Variants in DISP3 observed in about 807,000 individuals in gnomAD.
DISP3 encodes the protein protein dispatched homolog 3.
In DISP3, 101 loss-of-function variants were observed where a neutral mutation model predicts 135.3. The observed-to-expected ratio is 0.75, with a 90% CI of 0.64 to 0.88. The LOEUF is 0.88. Among genes scored for constraint, DISP3 ranks in the 40% least tolerant of loss-of-function variants. The pLI, the probability that DISP3 is intolerant of heterozygous loss-of-function variation, is 0.00. For synonymous variants in DISP3, 856 were observed against 817.0 expected (o/e 1.05, Z -0.81); for missense variants, 1,713 against 1,878.6 (o/e 0.91, Z 1.63).
At chr1:11,480,139 A>G (rs1272206816) in intron 1 of DISP3, among the ~76,000 whole-genome samples, 2 of 152,140 alleles carry the variant, frequency 1.3e-5, no homozygotes, top group African/African-American at 4.8e-5. Context: ...CAGGGCTGGG[A>G]AGGCGCCTCC....
In DISP3 at chr1:11,520,684, C is replaced by G. The variant is rs1348824109; in HGVS notation, c.2201-3C>G. The G allele has an allele frequency of 6.2e-7, 1 of 1,612,886 alleles. No individual in the cohort carries two copies. The highest frequency in any genetic ancestry group is 1.7e-5 in the Admixed American group (1 of 59,982). ...CGCCTGGTGTAGCGCCCTTTCCTCA[C>G]AGGGCTGTTCGTCTCCATCCTCATC... On this transcript the variant is annotated splice_polypyrimidine_tract_variant and splice_region_variant and intron_variant, in intron 9 of 20. Transcript: ENST00000294484. This position sits in a 1 kb window ranked among gnomAD's most constrained non-coding sequence, Gnocchi z 4.8.
In DISP3 at chr1:11,516,202, G is replaced by C; in HGVS notation, c.1749+41G>C. The C allele has an allele frequency of 6.3e-7, 1 of 1,597,752 alleles. No individual in the cohort carries two copies. The highest frequency in any genetic ancestry group is 8.5e-7 in the Non-Finnish European group (1 of 1,169,942). On this transcript the variant is annotated intron_variant, in intron 6 of 20. Coordinates refer to ENST00000294484, the MANE Select transcript of DISP3 (RefSeq NM_020780.2). The surrounding 1 kb of genome is among the most constrained non-coding windows in gnomAD (Gnocchi z 5.1). ...CCATTCCTGTCCTGGCCTCCCACAC[G>C]CTCATGCATACCTAGCCGCTGGTCT...
chr1:11,483,607 T>C lies in DISP3; in HGVS notation c.-4+4235T>C, dbSNP rs1256498115. On this transcript the variant is annotated intron_variant, in intron 1 of 20. Coordinates refer to ENST00000294484, the MANE Select transcript of DISP3 (RefSeq NM_020780.2). The surrounding 1 kb of genome is among the most constrained non-coding windows in gnomAD (Gnocchi z 5.4). ...TTACTGTCATTCAATAAATATTTTC[T>C]TGTCGAGAAACCTGTTTATATGATG... Among the ~76,000 whole-genome samples the C allele has an allele frequency of 6.6e-6, 1 of 152,366 alleles. No individual in the cohort carries two copies. The highest frequency in any genetic ancestry group is 1.9e-4 in the East Asian group (1 of 5,190).
At chr1:11,498,885 C>A (rs1005714319) in intron 1 of DISP3, among the ~76,000 whole-genome samples, 21 of 152,146 alleles carry the variant, frequency 1.4e-4, no homozygotes, top group African/African-American at 5.1e-4. Flanking sequence ...CTAAATCTTA[C>A]AATTGGGATT....
rs753328349 is a variant in DISP3 at position 11,520,892 on chromosome 1, G to C, written c.2362+44G>C. ...CTGTCCCTGGCCCGCTCAGGTGTCC[G>C]GGTCCCAAAGACTGTTGGTCTGAGA... On this transcript the variant is annotated intron_variant, in intron 10 of 20. Coordinates refer to ENST00000294484, the MANE Select transcript of DISP3 (RefSeq NM_020780.2). This position sits in a 1 kb window ranked among gnomAD's most constrained non-coding sequence, Gnocchi z 4.8. 6.5e-7 allele frequency: 1 copy of C among 1,537,236 alleles called. No homozygotes were observed. The highest frequency in any genetic ancestry group is 8.8e-7 in the Non-Finnish European group (1 of 1,137,964).
intron 3 of DISP3, among the ~76,000 whole-genome samples, chr1:11,511,847 C>T (rs1641864605): frequency 6.6e-6 from 1 of 152,208 alleles, no homozygotes; most frequent in South Asian, 2.1e-4. Context: ...GGCATTCAGA[C>T]GTTTCCATAT....
At position 11,501,981 on chromosome 1, in the gene DISP3, ACTC is replaced by A; in HGVS notation, c.992_994del (p.Ser331del). 1 of 1,613,330 alleles carries A rather than the reference ACTC, an allele frequency of 6.2e-7. No individual in the cohort carries two copies. Among genetic ancestry groups the A allele is most frequent in the East Asian group, 2.2e-5 (1 of 44,846 alleles). ...CTCAAGGATCTGCCGCTGGGCTCCTACTCCTACTGCTCGCCCCCCAGCTCGCTC... is the reference window on the plus strand; with the variant it reads ...CTCAAGGATCTGCCGCTGGGCTCCTACTACTGCTCGCCCCCCAGCTCGCTC... On this transcript the variant is annotated inframe_deletion, in exon 2 of 21. Transcript: ENST00000294484. This position sits in a 1 kb window ranked among gnomAD's most constrained non-coding sequence, Gnocchi z 4.9.
chr1:11,499,278 T>G lies in DISP3; in HGVS notation c.-3-1712T>G, dbSNP rs1641432734. Among the ~76,000 whole-genome samples the G allele has an allele frequency of 6.6e-6, 1 of 152,060 alleles. No individual in the cohort carries two copies. Among genetic ancestry groups the G allele is most frequent in the Admixed American group, 6.5e-5 (1 of 15,272 alleles). ...CAGGCTGAGGCACGGGCAGGATGGA[T>G]GGGTTTAGTTCCCAGAAAACTGCAA... On this transcript the variant is annotated intron_variant, in intron 1 of 20. Transcript: ENST00000294484. This position sits in a 1 kb window ranked among gnomAD's most constrained non-coding sequence, Gnocchi z 5.2.
At chr1:11,534,777 G>A (rs960880713) in intron 18 of DISP3, 2 of 767,058 alleles carry the variant, frequency 2.6e-6, no homozygotes. Context: ...TAACAGTCAT[G>A]ACCATGATGG....
Position 11,520,120 on chromosome 1 carries a change from A to G in DISP3, c.2200+240A>G, listed in dbSNP as rs1642141099. 6.6e-6 allele frequency among the ~76,000 whole-genome samples: 1 copy of G among 152,120 alleles called. No homozygotes were observed. Among genetic ancestry groups the G allele is most frequent in the South Asian group, 2.1e-4 (1 of 4,818 alleles). Reference sequence around the variant, plus strand: ...GGCAGTAGCACAGAGCATGCCACACATGGGCCCTGGAGTTAGACCCACTTG... The same window carrying G: ...GGCAGTAGCACAGAGCATGCCACACGTGGGCCCTGGAGTTAGACCCACTTG... On this transcript the variant is annotated intron_variant, in intron 9 of 20. Transcript: ENST00000294484. The surrounding 1 kb of genome is among the most constrained non-coding windows in gnomAD (Gnocchi z 4.8).
In DISP3 at chr1:11,531,063, C is replaced by T. The variant is rs367790792; in HGVS notation, c.3229+30C>T. 1.2e-4 allele frequency: 189 copies of T among 1,610,682 alleles called. No individual in the cohort carries two copies. The highest frequency in any genetic ancestry group is 7.2e-4 in the African/African-American group (54 of 74,988). On this transcript the variant is annotated intron_variant, in intron 16 of 20. Coordinates refer to ENST00000294484, the MANE Select transcript of DISP3 (RefSeq NM_020780.2). The surrounding 1 kb of genome is among the most constrained non-coding windows in gnomAD (Gnocchi z 5.2). The stretch of plus-strand genomic sequence containing the variant: ...GTGGGGTGTGGGGAGCTGGTTCCTC[C>T]GAGGGAGGATGGACTGACTGGGGAG...
At chr1:11,521,748 G>A (rs1642201932) in intron 10 of DISP3, among the ~76,000 whole-genome samples, 1 of 152,156 alleles carries the variant, frequency 6.6e-6, no homozygotes, top group Non-Finnish European at 1.5e-5. Flanking sequence ...GAGCACCAGA[G>A]GTGGGAAAGA....
At chr1:11,504,148 GC>G (rs1641634330) in intron 3 of DISP3, among the ~76,000 whole-genome samples, 2 of 152,188 alleles carry the variant, frequency 1.3e-5, no homozygotes, top group Non-Finnish European at 2.9e-5. Flanking sequence ...TGTTTATTGA[GC>G]ACTTACACTG....
intron 12 of DISP3, 117 bp from the exon 13 acceptor site, chr1:11,526,534 C>G: frequency 8.1e-7 from 1 of 1,235,790 alleles, no homozygotes; most frequent in South Asian, 1.4e-5. Context: ...TCCCCAACTC[C>G]GAGGACTGGG....
At position 11,535,755 on chromosome 1, in the gene DISP3, A is replaced by C. The variant is rs529061283; in HGVS notation, c.3816+111A>C. On this transcript the variant is annotated intron_variant, in intron 20 of 20. Transcript: ENST00000294484. ...TGAACATCCCAGCACCAGGACCCCC[A>C]TGCAGGCTGTGTTCTAGAAACTAAG... The C allele has an allele frequency of 2.2e-6, 3 of 1,359,610 alleles. No homozygotes were observed. In the African/African-American group the frequency reaches 4.3e-5, roughly 20 times the overall value. The allele number at this position is 1,359,610 out of a possible 1,614,324, so 84.2% of individuals were successfully genotyped here.
In DISP3 at chr1:11,501,041, G is replaced by C; in HGVS notation, c.49G>C (p.Glu17Gln). ...PLLQDVWLEE[E>Q]QEEEEATGET... ...GCTGCAGGATGTGTGGCTAGAGGAG[G>C]AGCAGGAGGAGGAAGAAGCAACGGG... The change falls in exon 2 of 21, where the codon GAG (glutamate) becomes CAG (glutamine). Residue 17 changes from glutamate to glutamine, a missense_variant. By Grantham distance (29) the Glu-to-Gln change is conservative (BLOSUM62 2). Transcript: ENST00000294484. The surrounding 1 kb of genome is among the most constrained non-coding windows in gnomAD (Gnocchi z 4.9). 6.2e-7 allele frequency: 1 copy of C among 1,613,962 alleles called. No individual in the cohort carries two copies. Among genetic ancestry groups the C allele is most frequent in the Non-Finnish European group, 8.5e-7 (1 of 1,180,020 alleles).
At chr1:11,526,528 C>G (rs2817636) in intron 12 of DISP3, 123 bp from the exon 13 acceptor site, 174,150 of 1,165,370 alleles carry the variant, frequency 0.15, 15,696 homozygotes, top group East Asian at 0.44. Context: ...GCTCTGTCCC[C>G]AACTCCGAGG....
intron 13 of DISP3, among the ~76,000 whole-genome samples, chr1:11,528,774 C>G (rs1642497700): frequency 6.6e-6 from 1 of 152,186 alleles, no homozygotes; most frequent in African/African-American, 2.4e-5. Context: ...GGACTGTGGT[C>G]TCCGATGGGG....
chr1:11,534,004 C>A (rs958363956), intron 17 of DISP3, among the ~76,000 whole-genome samples: 3 of 152,186 alleles, frequency 2.0e-5, no homozygotes, highest in African/African-American at 7.2e-5. Flanking sequence ...ACTAAGGAGG[C>A]CCACCTTGGG....
Sources: gnomAD v4.1 joint callset for allele counts (sites outside exome capture counted in the v4.1 genomes callset) on GRCh38, gnomAD v4.1.1 for gene constraint, Gnocchi (gnomAD v3.1) non-coding constraint, MANE v1.5 for transcripts, NCBI Gene and HGNC (gene_info 2026-07-23, HGNC 2026-07-21) for gene names.